Variants in TGM3 observed in about 807,000 individuals in gnomAD.
TGM3 encodes transglutaminase 3, also known as protein-glutamine gamma-glutamyltransferase E.
In TGM3, 52 loss-of-function variants were observed where a neutral mutation model predicts 73.8. That is an observed-to-expected ratio of 0.70 (90% CI 0.56 to 0.89). The LOEUF is 0.89. Among genes scored for constraint, TGM3 ranks in the 40% least tolerant of loss-of-function variants. TGM3 has a pLI of 0.00. For synonymous variants in TGM3, 372 were observed against 354.9 expected (o/e 1.05, Z -0.54); for missense variants, 928 against 909.9 (o/e 1.02, Z -0.26).
At chr20:2,326,045 C>A in intron 8 of TGM3, 93 bp downstream of exon 8, 1 of 1,211,180 alleles carries the variant, frequency 8.3e-7, no homozygotes, top group Non-Finnish European at 1.2e-6. Context: ...AAGCCCTCTC[C>A]CTCTGGAATG....
intron 7 of TGM3, 80 bp from the exon 8 acceptor site, chr20:2,325,769 T>A (rs1384102989): frequency 1.0e-6 from 1 of 1,004,368 alleles, no homozygotes; most frequent in African/African-American, 1.6e-5. Flanking sequence ...GCTGCACTGT[T>A]GGGGCAAAGA....
At chr20:2,326,118 C>T (rs542098302) in intron 8 of TGM3, 166 bp downstream of exon 8, 6 of 707,408 alleles carry the variant, frequency 8.5e-6, no homozygotes, top group Admixed American at 2.6e-5. Flanking sequence ...TTGCTTGGCT[C>T]GGGCTGCTGT....
At chr20:2,315,182 C>T (rs530641112) in intron 5 of TGM3, among the ~76,000 whole-genome samples, 1 of 152,306 alleles carries the variant, frequency 6.6e-6, no homozygotes, top group Non-Finnish European at 1.5e-5. Flanking sequence ...CAGCTGCTGA[C>T]TCACTCGCAC....
intron 1 of TGM3, among the ~76,000 whole-genome samples, chr20:2,305,031 G>T (rs2084169924): frequency 6.6e-6 from 1 of 152,190 alleles, no homozygotes; most frequent in African/African-American, 2.4e-5. Context: ...GACAAGGTGT[G>T]GGGAGGGGCA....
At chr20:2,299,975 A>G (rs919447469) in intron 1 of TGM3, among the ~76,000 whole-genome samples, 1 of 152,094 alleles carries the variant, frequency 6.6e-6, no homozygotes, top group Admixed American at 6.6e-5. Flanking sequence ...ACGCACTTGT[A>G]GTCCCAGCTA....
chr20:2,310,386 G>T lies in TGM3; in HGVS notation c.390G>T (p.Thr130=), dbSNP rs765402546. Residue 130 remains threonine (T), a synonymous_variant, in exon 3 of 13, where the codon ACG becomes ACT. Coordinates refer to ENST00000381458, the MANE Select transcript of TGM3 (RefSeq NM_003245.4). ...GCATCTCCTCTGTGAAACTTGGGAC[G>T]TTCATACTGCTTTTTAACCCCTGGC... is the stretch of plus-strand genomic sequence containing the variant. ...QGGISSVKLG[T]FILLFNPWLN... 3.7e-6 allele frequency: 6 copies of T among 1,614,086 alleles called. No individual in the cohort carries two copies. Among genetic ancestry groups the T allele is most frequent in the South Asian group, 1.1e-5 (1 of 91,094 alleles).
At position 2,335,145 on chromosome 20, in the gene TGM3, G is replaced by T; in HGVS notation, c.1672G>T (p.Ala558Ser). ...AGAACATCCCATAAAGATCTCGTAC[G>T]CTCAGTATGAGAAGTACCTGAAGTC... is the stretch of plus-strand genomic sequence containing the variant. ...EAEHPIKISY[A>S]QYEKYLKSDN... Residue 558 changes from alanine to serine, a missense_variant, in exon 11 of 13, where the codon GCT becomes TCT. By Grantham distance (99) the Ala-to-Ser change is moderately conservative (BLOSUM62 1). Transcript: ENST00000381458. The T allele has an allele frequency of 3.1e-6, 5 of 1,614,246 alleles. No individual in the cohort carries two copies. The highest frequency in any genetic ancestry group is 4.2e-6 in the Non-Finnish European group (5 of 1,180,046).
intron 5 of TGM3, among the ~76,000 whole-genome samples, chr20:2,314,407 T>A (rs2122224441): frequency 6.6e-6 from 1 of 151,894 alleles, no homozygotes; most frequent in South Asian, 2.1e-4. Flanking sequence ...ATGCAAAAAG[T>A]CGTGATCAGG....
chr20:2,314,112 G>A (rs1299514045), intron 5 of TGM3, among the ~76,000 whole-genome samples: 1 of 152,140 alleles, frequency 6.6e-6, no homozygotes, highest in Non-Finnish European at 1.5e-5. Flanking sequence ...GGAGATTGTG[G>A]TGAGCCAAGA....
rs1334157976 is a variant in TGM3, at chr20:2,334,249, A to G, written c.1643-867A>G. 1.3e-5 allele frequency among the ~76,000 whole-genome samples: 2 copies of G among 152,214 alleles called. No individual in the cohort carries two copies. Among genetic ancestry groups the G allele is most frequent in the African/African-American group, 4.8e-5 (2 of 41,454 alleles). ...AAAAGGTGCCTGTTTTGTCTGCAGA[A>G]CAAGAAGTGTGGAAGGTTCTTTTAA... On this transcript the variant is annotated intron_variant, in intron 10 of 12. Transcript: ENST00000381458. The surrounding 1 kb of genome is among the most constrained non-coding windows in gnomAD (Gnocchi z 4.0).
Position 2,332,330 on chromosome 20 carries a change from G to T in TGM3, c.1642+20G>T, listed in dbSNP as rs1400887854. On this transcript the variant is annotated intron_variant, in intron 10 of 12. Transcript: ENST00000381458. This position sits in a 1 kb window ranked among gnomAD's most constrained non-coding sequence, Gnocchi z 4.4. ...AGGAAGGTAACGCATCCCGCAGTTG[G>T]AGGAGATCCACGAATCCGAGGTAGC... is the stretch of plus-strand genomic sequence containing the variant. The T allele has an allele frequency of 2.0e-5, 31 of 1,554,636 alleles. No individual in the cohort carries two copies. The highest frequency in any genetic ancestry group is 2.2e-5 in the Non-Finnish European group (25 of 1,149,702).
At chr20:2,326,879 T>C (rs2084290959) in intron 8 of TGM3, among the ~76,000 whole-genome samples, 1 of 151,938 alleles carries the variant, frequency 6.6e-6, no homozygotes, top group South Asian at 2.1e-4. Flanking sequence ...TGAAGTAATA[T>C]GTGCATGTAG....
intron 5 of TGM3, among the ~76,000 whole-genome samples, chr20:2,313,668 GAC>G (rs1467394901): frequency 7.0e-6 from 1 of 142,690 alleles, no homozygotes; most frequent in African/African-American, 2.5e-5. Flanking sequence ...CTCTCTCTCA[GAC>G]ACACACACAC....
intron 1 of TGM3, among the ~76,000 whole-genome samples, chr20:2,296,398 A>T (rs1344728523): frequency 1.3e-5 from 2 of 152,064 alleles, no homozygotes; most frequent in African/African-American, 4.8e-5. Flanking sequence ...ATCCGTCGCC[A>T]CCCGTAAAGC....
intron 1 of TGM3, among the ~76,000 whole-genome samples, chr20:2,306,882 G>A (rs2084179128): frequency 6.6e-6 from 1 of 152,112 alleles, no homozygotes; most frequent in Admixed American, 6.6e-5. Flanking sequence ...GAGAAAGTTG[G>A]GGGCCATTTC....
At chr20:2,327,877 A>G (rs2084297073) in intron 8 of TGM3, among the ~76,000 whole-genome samples, 1 of 152,220 alleles carries the variant, frequency 6.6e-6, no homozygotes, top group African/African-American at 2.4e-5. Flanking sequence ...GTCAGCATGG[A>G]TTAGGCGCCC....
rs370607077 is a variant in TGM3, at chr20:2,339,875, C to T, written c.1822C>T (p.Arg608Trp). 90 of 1,614,026 alleles carry T rather than the reference C, an allele frequency of 5.6e-5. No homozygotes were observed. The highest frequency in any genetic ancestry group is 1.7e-4 in the Middle Eastern group (1 of 6,060). ...ATAGGTGCTGAACGAGGCTCGTGTG[C>T]GGAAGCCTGTGAACGTGCAGATGCT... ...TLEVLNEARV[R>W]KPVNVQMLFS... Residue 608 changes from arginine (R) to tryptophan (W), a missense_variant, in exon 12 of 13, where the codon CGG becomes TGG. Arg to Trp is a moderately radical substitution (Grantham distance 101). Coordinates refer to ENST00000381458, the MANE Select transcript of TGM3 (RefSeq NM_003245.4).
intron 8 of TGM3, among the ~76,000 whole-genome samples, chr20:2,327,606 A>C (rs2084295565): frequency 6.6e-6 from 1 of 152,174 alleles, no homozygotes; most frequent in African/African-American, 2.4e-5. Flanking sequence ...GTGGTGAAAA[A>C]AGCTGAAAGT....
chr20:2,327,113 G>T (rs1286333659), intron 8 of TGM3, among the ~76,000 whole-genome samples: 1 of 152,102 alleles, frequency 6.6e-6, no homozygotes, highest in African/African-American at 2.4e-5. Context: ...TTTAGGAAAA[G>T]AAAATGAAAT....
Sources: allele counts gnomAD v4.1 joint callset (sites outside exome capture counted in the v4.1 genomes callset), GRCh38; gene constraint gnomAD v4.1.1; non-coding constraint Gnocchi (gnomAD v3.1); transcripts MANE v1.5; gene names NCBI Gene and HGNC (gene_info 2026-07-23, HGNC 2026-07-21).